Variants in ADGRL3 observed in about 807,000 individuals in gnomAD.
ADGRL3 encodes adhesion G protein-coupled receptor L3.
In ADGRL3, 62 loss-of-function variants were observed where a neutral mutation model predicts 153.5. The ratio of observed to expected loss-of-function variants is 0.40; its 90% CI spans 0.33 to 0.50. ADGRL3 has a LOEUF of 0.50. Ranked by LOEUF, ADGRL3 falls within the 20% of genes least tolerant of loss-of-function variation. The pLI, the probability that ADGRL3 is intolerant of heterozygous loss-of-function variation, is 0.47. For synonymous variants in ADGRL3, 710 were observed against 672.5 expected, an observed-to-expected ratio of 1.06 and a Z score of -0.86; for missense variants, 1,641 against 1,859.4, an observed-to-expected ratio of 0.88 and a Z score of 2.16.
intron 9 of ADGRL3, among the ~76,000 whole-genome samples, chr4:61,857,003 T>C (rs1561368355): frequency 3.3e-4 from 44 of 132,192 alleles, no homozygotes; most frequent in African/African-American, 1.3e-3. Flanking sequence ...TTTCTTTCTT[T>C]CTTTCTTTCT....
intron 21 of ADGRL3, among the ~76,000 whole-genome samples, chr4:62,020,980 A>G (rs1400332891): frequency 2.0e-5 from 3 of 152,084 alleles, no homozygotes; most frequent in African/African-American, 7.2e-5. Context: ...ATGCTACTTT[A>G]TATAAACTGA....
At position 61,743,884 on chromosome 4, in the gene ADGRL3, G is replaced by A. The variant is rs138038203; in HGVS notation, c.1399+10330G>A. Among the ~76,000 whole-genome samples, 256 of 152,302 alleles carry A rather than the reference G, an allele frequency of 1.7e-3. 1 individual carries two copies. The East Asian group carries it at 0.03, about 18-fold the overall frequency. ...CGCAGGACAGTGGGTGCAGCACACC[G>A]TGTGCGAGCCGAAGCAGGGCGACGC... is the stretch of plus-strand genomic sequence containing the variant. On this transcript the variant is annotated intron_variant, in intron 8 of 26. Coordinates refer to ENST00000683033, the MANE Select transcript of ADGRL3 (RefSeq NM_001387552.1).
At chr4:62,059,350 CTTTT>C (rs1369037733) in intron 25 of ADGRL3, among the ~76,000 whole-genome samples, 1 of 152,030 alleles carries the variant, frequency 6.6e-6, no homozygotes, top group African/African-American at 2.4e-5. Context: ...CCATTTCTTT[CTTTT>C]TTGTTTCTGT....
rs533970163 is a variant in ADGRL3, at chr4:61,299,099, T to A, written c.-239-84025T>A. On this transcript the variant is annotated intron_variant, in intron 1 of 26. Coordinates refer to ENST00000683033, the MANE Select transcript of ADGRL3 (RefSeq NM_001387552.1). ...TCTGTGATTAAATTAGAAAATATTT[T>A]AAATTTCAACTTGTTTTCCCCTCCA... 5.3e-5 allele frequency among the ~76,000 whole-genome samples: 8 copies of A among 152,290 alleles called. No homozygotes were observed. The South Asian group carries it at 1.7e-3, about 32-fold the overall frequency.
rs1469506698 is a variant in ADGRL3 at position 61,288,583 on chromosome 4, T to A, written c.-240+86818T>A. On this transcript the variant is annotated intron_variant, in intron 1 of 26. Transcript: ENST00000683033. ...CTATTTATATATTATTAGCTAGGAC[T>A]AGGTTACATAATATTTCCTAGCTAC... 3.3e-5 allele frequency among the ~76,000 whole-genome samples: 5 copies of A among 152,126 alleles called. No homozygotes were observed. In the East Asian group the frequency reaches 5.8e-4, roughly 18 times the overall value.
intron 2 of ADGRL3, among the ~76,000 whole-genome samples, chr4:61,465,878 T>G (rs1244625390): frequency 6.6e-6 from 1 of 151,246 alleles, no homozygotes; most frequent in Non-Finnish European, 1.5e-5. Flanking sequence ...CCCGAGGACT[T>G]GGGGAGGCCT....
rs139978015 is a variant in ADGRL3, at chr4:62,076,177, TAA to T, written c.*5272_*5273del. 6.6e-6 allele frequency: 1 copy of T among 152,250 alleles called. No individual in the cohort carries two copies. The highest frequency in any genetic ancestry group is 2.4e-5 in the African/African-American group (1 of 41,582). 9.4% of individuals were successfully genotyped at this position (152,250 alleles called of 1,614,324 possible). On this transcript the variant is annotated 3_prime_UTR_variant, in exon 27 of 27. Transcript: ENST00000683033. ...TTCCTTCTTTATTTAAAAAAAAATTTAAAAGTCAGCACTTCTTTCACATCTAG... is the reference window on the plus strand; with the variant it reads ...TTCCTTCTTTATTTAAAAAAAAATTTAAGTCAGCACTTCTTTCACATCTAG...
chr4:61,696,670 CT>C (rs34306284), intron 6 of ADGRL3, among the ~76,000 whole-genome samples: 2,617 of 101,738 alleles, frequency 0.026, 14 homozygotes, highest in East Asian at 0.13. Context: ...TTTTTTTAAC[CT>C]TTTTTTTTTT....
At position 61,495,210 on chromosome 4, in the gene ADGRL3, C is replaced by T. The variant is rs181715083; in HGVS notation, c.-173-1911C>T. On this transcript the variant is annotated intron_variant, in intron 2 of 26. Transcript: ENST00000683033. The stretch of plus-strand genomic sequence containing the variant: ...GCTCCAGAATGCGTGCTCTTAACTA[C>T]CATGCCGTAAATAACAATATCAAAA... 9.1e-4 allele frequency among the ~76,000 whole-genome samples: 139 copies of T among 152,208 alleles called. 1 individual carries two copies. The highest frequency in any genetic ancestry group is 3.3e-3 in the African/African-American group (136 of 41,546).
chr4:61,939,866 A>G (rs1290449108), intron 15 of ADGRL3, among the ~76,000 whole-genome samples: 1 of 151,824 alleles, frequency 6.6e-6, no homozygotes, highest in Non-Finnish European at 1.5e-5. Flanking sequence ...TTTAAGACTC[A>G]CTGATGATGT....
intron 9 of ADGRL3, among the ~76,000 whole-genome samples, chr4:61,820,664 G>A (rs75058262): frequency 0.11 from 16,063 of 151,922 alleles, 916 homozygotes; most frequent in Middle Eastern, 0.15. Context: ...ATTTCTGTAC[G>A]CAAGTAAGAT....
At chr4:62,006,907 C>G (rs1283793107) in intron 21 of ADGRL3, among the ~76,000 whole-genome samples, 1 of 151,880 alleles carries the variant, frequency 6.6e-6, no homozygotes, top group African/African-American at 2.4e-5. Flanking sequence ...CTATGGTGTC[C>G]TAAATCATAG....
rs190979229 is a variant in ADGRL3, at chr4:61,871,148, A to G, written c.1481-21508A>G. On this transcript the variant is annotated intron_variant, in intron 9 of 26. Coordinates refer to ENST00000683033, the MANE Select transcript of ADGRL3 (RefSeq NM_001387552.1). ...AAAAAATTAGCCAGGTGTGGTGGCG[A>G]GTGCCTGCAGTCCCAACTACTCAGC... Among the ~76,000 whole-genome samples the G allele has an allele frequency of 6.2e-3, 940 of 152,098 alleles. 6 individuals are homozygous for G. Among genetic ancestry groups the G allele is most frequent in the African/African-American group, 0.013 (552 of 41,470 alleles).
intron 5 of ADGRL3, among the ~76,000 whole-genome samples, chr4:61,590,623 T>C (rs1369555515): frequency 1.3e-5 from 2 of 152,140 alleles, no homozygotes; most frequent in Non-Finnish European, 2.9e-5. Flanking sequence ...CATAAAACTA[T>C]GTATTTTTTG....
intron 9 of ADGRL3, among the ~76,000 whole-genome samples, chr4:61,890,938 TTTA>T (rs2098577595): frequency 7.5e-6 from 1 of 132,824 alleles, no homozygotes; most frequent in Non-Finnish European, 1.6e-5. Context: ...AAACATTTGA[TTTA>T]TTATATATGC....
intron 1 of ADGRL3, among the ~76,000 whole-genome samples, chr4:61,236,291 T>C (rs982970418): frequency 3.9e-5 from 6 of 152,134 alleles, no homozygotes; most frequent in African/African-American, 1.4e-4. Context: ...ATTACAGGCT[T>C]GAGCCACTGT....
intron 8 of ADGRL3, among the ~76,000 whole-genome samples, chr4:61,752,506 A>G (rs879926630): frequency 1.3e-5 from 2 of 152,172 alleles, no homozygotes; most frequent in Admixed American, 6.5e-5. Flanking sequence ...GTGTTCCTTC[A>G]TCCTCAGAGA....
chr4:61,245,656 C>T (rs1294551327), intron 1 of ADGRL3, among the ~76,000 whole-genome samples: 2 of 152,084 alleles, frequency 1.3e-5, no homozygotes, highest in Non-Finnish European at 2.9e-5. Flanking sequence ...TAAATCAATG[C>T]CTGTGAATAT....
intron 21 of ADGRL3, among the ~76,000 whole-genome samples, chr4:62,018,963 G>A (rs150284009): frequency 0.015 from 2,215 of 152,238 alleles, 26 homozygotes; most frequent in Non-Finnish European, 0.02. Flanking sequence ...AGGAGTTTGC[G>A]TAGCAGTGGG....
Sources: gnomAD v4.1 joint callset for allele counts (sites outside exome capture counted in the v4.1 genomes callset) on GRCh38, gnomAD v4.1.1 for gene constraint, MANE v1.5 for transcripts, NCBI Gene and HGNC (gene_info 2026-07-23, HGNC 2026-07-21) for gene names.